Variants in SLC9A9 observed in about 807,000 individuals in gnomAD.
SLC9A9 encodes the protein solute carrier family 9 member A9.
A neutral mutation model predicts 77.8 loss-of-function variants in SLC9A9; 62 were observed. The ratio of observed to expected loss-of-function variants is 0.80; its 90% CI spans 0.65 to 0.98. The LOEUF (loss-of-function observed/expected upper bound fraction) is 0.98, where lower values mean the gene tolerates loss of function less well. Ranked by LOEUF, SLC9A9 falls within the 50% of genes least tolerant of loss-of-function variation. The pLI is 0.00. For synonymous variants in SLC9A9, 320 were observed against 283.5 expected (o/e 1.13, Z -1.29); for missense variants, 775 against 774.9 (o/e 1.00, Z 0.00).
chr3:143,317,423 T>A (rs1217823621), intron 14 of SLC9A9, among the ~76,000 whole-genome samples: 1 of 152,188 alleles, frequency 6.6e-6, no homozygotes, highest in East Asian at 1.9e-4. Context: ...TCAGGTTGGA[T>A]GTCTCAGTGT....
At chr3:143,576,831 A>AT (rs1445805856) in intron 7 of SLC9A9, among the ~76,000 whole-genome samples, 2 of 152,164 alleles carry the variant, frequency 1.3e-5, no homozygotes, top group Admixed American at 6.5e-5. Flanking sequence ...TGGGTAGGTC[A>AT]TTTTTTCTTG....
At chr3:143,447,577 A>G (rs1455303389) in intron 12 of SLC9A9, among the ~76,000 whole-genome samples, 1 of 152,132 alleles carries the variant, frequency 6.6e-6, no homozygotes, top group East Asian at 1.9e-4. Context: ...CTAACTTCCT[A>G]CTAAAATCCA....
chr3:143,652,707 C>T (rs180853151), intron 5 of SLC9A9, among the ~76,000 whole-genome samples: 15 of 151,244 alleles, frequency 9.9e-5, no homozygotes, highest in East Asian at 2.0e-4. Flanking sequence ...ACTACCTTTG[C>T]ATTTTGATTC....
chr3:143,824,913 T>C (rs2009260805), intron 2 of SLC9A9, among the ~76,000 whole-genome samples: 3 of 152,208 alleles, frequency 2.0e-5, no homozygotes, highest in Non-Finnish European at 1.5e-5. Flanking sequence ...AGGTTTAGGA[T>C]GAAAGGAGCT....
intron 1 of SLC9A9, among the ~76,000 whole-genome samples, chr3:143,847,340 T>C (rs1258484041): frequency 6.6e-6 from 1 of 152,178 alleles, no homozygotes; most frequent in Non-Finnish European, 1.5e-5. Flanking sequence ...TAAAAACTGG[T>C]GTCTTTCATT....
intron 6 of SLC9A9, among the ~76,000 whole-genome samples, chr3:143,637,773 T>C (rs2038550098): frequency 6.6e-6 from 1 of 152,188 alleles, no homozygotes; most frequent in Non-Finnish European, 1.5e-5. Flanking sequence ...GTTGACTGAC[T>C]TGCTCATTGG....
At chr3:143,337,923 G>T (rs2031976970) in intron 14 of SLC9A9, among the ~76,000 whole-genome samples, 1 of 152,194 alleles carries the variant, frequency 6.6e-6, no homozygotes, top group South Asian at 2.1e-4. Flanking sequence ...TCCCACAGTG[G>T]AGAGTAACAT....
rs181846219 is a variant in SLC9A9 at position 143,409,152 on chromosome 3, C to T, written c.1470-27038G>A. ...TTGGATGTGAGGTCAGGCCATAGTG[C>T]CCATATTCAGTTACCACCACTGGTA... On this transcript the variant is annotated intron_variant, in intron 12 of 15. Coordinates refer to ENST00000316549, the MANE Select transcript of SLC9A9 (RefSeq NM_173653.4). 3.3e-5 allele frequency among the ~76,000 whole-genome samples: 5 copies of T among 152,274 alleles called. No individual in the cohort carries two copies. The East Asian group carries it at 9.6e-4, about 29-fold the overall frequency.
intron 11 of SLC9A9, among the ~76,000 whole-genome samples, chr3:143,486,030 G>C (rs2035648701): frequency 6.6e-6 from 1 of 152,080 alleles, no homozygotes; most frequent in Non-Finnish European, 1.5e-5. Flanking sequence ...AGTACCAAGA[G>C]AGAAGGGACT....
intron 12 of SLC9A9, among the ~76,000 whole-genome samples, chr3:143,435,020 C>T (rs536775875): frequency 1.6e-4 from 25 of 152,288 alleles, no homozygotes; most frequent in East Asian, 1.5e-3. Flanking sequence ...AGGGCTCTCA[C>T]GCCCCGCCGT....
chr3:143,720,763 G>C (rs1242141230), intron 4 of SLC9A9, among the ~76,000 whole-genome samples: 3 of 151,776 alleles, frequency 2.0e-5, no homozygotes, highest in African/African-American at 7.3e-5. Flanking sequence ...TGAAACAATG[G>C]ACAGAGTGCT....
intron 6 of SLC9A9, among the ~76,000 whole-genome samples, chr3:143,642,889 A>G (rs974076489): frequency 6.6e-6 from 1 of 151,814 alleles, no homozygotes; most frequent in African/African-American, 2.4e-5. Flanking sequence ...TTCCTATTAT[A>G]CCATTCTTTT....
rs1367234794 is a variant in SLC9A9 at position 143,707,382 on chromosome 3, AC to A, written c.534-14076del. Among the ~76,000 whole-genome samples, 4 of 151,830 alleles carry A rather than the reference AC, an allele frequency of 2.6e-5. No individual in the cohort carries two copies. The East Asian group carries it at 7.7e-4, about 29-fold the overall frequency. ...TATTTTAAAATCTACACACACACAC[AC>A]ACACACACACACACACACCCCAGCT... On this transcript the variant is annotated intron_variant, in intron 4 of 15. Coordinates refer to ENST00000316549, the MANE Select transcript of SLC9A9 (RefSeq NM_173653.4).
At chr3:143,654,574 C>CA (rs1334737754) in intron 5 of SLC9A9, among the ~76,000 whole-genome samples, 3 of 152,136 alleles carry the variant, frequency 2.0e-5, no homozygotes, top group East Asian at 3.8e-4. Flanking sequence ...CTACCCAAAA[C>CA]AAAAAAGTTA....
At chr3:143,654,223 A>G (rs146855872) in intron 5 of SLC9A9, among the ~76,000 whole-genome samples, 1 of 152,350 alleles carries the variant, frequency 6.6e-6, no homozygotes, top group Non-Finnish European at 1.5e-5. Flanking sequence ...TGCATATTTC[A>G]AAAAATTATG....
chr3:143,452,879 C>T (rs2035032315), intron 12 of SLC9A9, among the ~76,000 whole-genome samples: 1 of 151,988 alleles, frequency 6.6e-6, no homozygotes, highest in South Asian at 2.1e-4. Flanking sequence ...AGAATGTCCT[C>T]ATTCTTAGAA....
intron 11 of SLC9A9, among the ~76,000 whole-genome samples, chr3:143,486,814 C>T (rs900094657): frequency 2.0e-5 from 3 of 151,950 alleles, no homozygotes; most frequent in South Asian, 2.1e-4. Flanking sequence ...GGAATTTAAA[C>T]ATTTCACTGC....
chr3:143,500,131 A>AT (rs2035901777), intron 9 of SLC9A9, among the ~76,000 whole-genome samples: 2 of 152,036 alleles, frequency 1.3e-5, no homozygotes, highest in Admixed American at 1.3e-4. Flanking sequence ...TTGTAGGAAG[A>AT]TTTTTAATTA....
chr3:143,814,306 A>G (rs2008946877), intron 2 of SLC9A9, among the ~76,000 whole-genome samples: 1 of 152,164 alleles, frequency 6.6e-6, no homozygotes, highest in South Asian at 2.1e-4. Context: ...GCCAAGGAGA[A>G]ATGATCCAGA....
Sources: allele counts gnomAD v4.1 joint callset (sites outside exome capture counted in the v4.1 genomes callset), GRCh38; gene constraint gnomAD v4.1.1; transcripts MANE v1.5; gene names NCBI Gene and HGNC (gene_info 2026-07-23, HGNC 2026-07-21).